Variants in PLCL2 observed in about 807,000 individuals in gnomAD.
The protein encoded by PLCL2 is phospholipase C like 2.
PLCL2 carries 4 observed loss-of-function variants against 79.6 expected under a neutral mutation model. The ratio of observed to expected loss-of-function variants is 0.05; its 90% confidence interval spans 0.02 to 0.11. The LOEUF (loss-of-function observed/expected upper bound fraction) is 0.11. Among genes scored for constraint, PLCL2 ranks in the 10% least tolerant of loss-of-function variants. PLCL2 has a pLI of 1.00. For missense variants in PLCL2, 895 were observed against 1,291.0 expected (o/e 0.69, Z 4.70); for synonymous variants, 484 against 457.7 (o/e 1.06, Z -0.73).
intron 5 of PLCL2, among the ~76,000 whole-genome samples, chr3:17,075,089 A>G (rs1307052728): frequency 6.6e-6 from 1 of 152,170 alleles, no homozygotes; most frequent in Non-Finnish European, 1.5e-5. Context: ...TTGGCTTTTG[A>G]CTTGAACTTG....
intron 1 of PLCL2, among the ~76,000 whole-genome samples, chr3:16,937,366 G>A (rs1416473286): frequency 1.3e-5 from 2 of 152,178 alleles, no homozygotes; most frequent in East Asian, 3.8e-4. Flanking sequence ...GAGACCTGAG[G>A]ACAGGTTGAG....
chr3:16,990,346 G>C (rs541342365), intron 1 of PLCL2, among the ~76,000 whole-genome samples: 1 of 152,148 alleles, frequency 6.6e-6, no homozygotes, highest in Non-Finnish European at 1.5e-5. Context: ...TTTTCACTTA[G>C]GTACTCTATA....
In PLCL2 at chr3:17,016,487, T is replaced by A. The variant is rs976410349; in HGVS notation, c.3018+1576T>A. 2.6e-5 allele frequency among the ~76,000 whole-genome samples: 4 copies of A among 152,104 alleles called. No homozygotes were observed. In the East Asian group the frequency reaches 7.7e-4, roughly 29 times the overall value. ...AGAGGAGGGAGGCCAGGGTCAGGTG[T>A]CTGATGAGCCTCAGGTGCTGAGTGC... On this transcript the variant is annotated intron_variant, in intron 3 of 5. Transcript: ENST00000615277.
At chr3:16,956,814 C>A (rs1175816604) in intron 1 of PLCL2, among the ~76,000 whole-genome samples, 1 of 152,068 alleles carries the variant, frequency 6.6e-6, no homozygotes, top group Non-Finnish European at 1.5e-5. Flanking sequence ...AGTTTATTTG[C>A]GTAGAGGTGT....
intron 1 of PLCL2, among the ~76,000 whole-genome samples, chr3:16,973,087 A>G (rs947427600): frequency 1.3e-5 from 2 of 152,132 alleles, no homozygotes; most frequent in Admixed American, 6.6e-5. Context: ...TCAATGGTCT[A>G]TGTATTTAAG....
chr3:16,978,749 A>G (rs1028240386), intron 1 of PLCL2, among the ~76,000 whole-genome samples: 22 of 152,220 alleles, frequency 1.4e-4, no homozygotes, highest in African/African-American at 4.3e-4. Flanking sequence ...TGTCAGTGCA[A>G]CAAGCCCAGA....
At chr3:17,019,295 T>C (rs571260066) in intron 3 of PLCL2, among the ~76,000 whole-genome samples, 2 of 152,344 alleles carry the variant, frequency 1.3e-5, no homozygotes, top group South Asian at 4.1e-4. Flanking sequence ...TTGCACATTT[T>C]TGAGCAAAGG....
chr3:16,964,279 T>C (rs938762093), intron 1 of PLCL2, among the ~76,000 whole-genome samples: 8 of 151,800 alleles, frequency 5.3e-5, no homozygotes, highest in Non-Finnish European at 7.4e-5. Flanking sequence ...TGTTTGGTTT[T>C]CTGTCCTTGC....
intron 4 of PLCL2, among the ~76,000 whole-genome samples, chr3:17,056,443 T>A (rs2064893320): frequency 6.6e-6 from 1 of 152,072 alleles, no homozygotes; most frequent in Non-Finnish European, 1.5e-5. Flanking sequence ...TAGTATATTA[T>A]AAATATATAA....
intron 3 of PLCL2, among the ~76,000 whole-genome samples, chr3:17,032,576 A>G (rs768548052): frequency 7.2e-5 from 11 of 151,744 alleles, no homozygotes; most frequent in Non-Finnish European, 1.3e-4. Context: ...CTCTCCTCCC[A>G]GCCTAACAAA....
At chr3:16,890,866 C>G (rs1696330292) in intron 1 of PLCL2, among the ~76,000 whole-genome samples, 1 of 152,186 alleles carries the variant, frequency 6.6e-6, no homozygotes, top group Non-Finnish European at 1.5e-5. Context: ...AGAGTAATTC[C>G]ATAGCTTTAG....
At chr3:16,939,514 T>C (rs1281100776) in intron 1 of PLCL2, among the ~76,000 whole-genome samples, 1 of 152,232 alleles carries the variant, frequency 6.6e-6, no homozygotes, top group African/African-American at 2.4e-5. Flanking sequence ...GTGAATGTTG[T>C]GCTGGACAGA....
rs1008086467 is a variant in PLCL2 at position 16,964,679 on chromosome 3, CTGT to C, written c.328-44990_328-44988del. Reference sequence around the variant, plus strand: ...TATTTCTCCACATCCTCTCCAGCACCTGTTGTTTCCTGACTTTTTAATGATTGC... The same window carrying C: ...TATTTCTCCACATCCTCTCCAGCACCTGTTTCCTGACTTTTTAATGATTGC... On this transcript the variant is annotated intron_variant, in intron 1 of 5. Transcript: ENST00000615277. Among the ~76,000 whole-genome samples, 7 of 151,994 alleles carry C rather than the reference CTGT, an allele frequency of 4.6e-5. 1 individual carries two copies.
At chr3:16,976,330 A>G (rs1053515140) in intron 1 of PLCL2, among the ~76,000 whole-genome samples, 1 of 152,244 alleles carries the variant, frequency 6.6e-6, no homozygotes, top group African/African-American at 2.4e-5. Flanking sequence ...AAAGTTGGCA[A>G]CAGCCTAGAG....
rs562419383 is a variant in PLCL2, at chr3:16,889,612, T to C, written c.327+4246T>C. ...GTCATGTGGTGTAGGAGAAACACTTTTACTGTCTTTATACTACTATGTTCA... is the reference window on the plus strand; with the variant it reads ...GTCATGTGGTGTAGGAGAAACACTTCTACTGTCTTTATACTACTATGTTCA... On this transcript the variant is annotated intron_variant, in intron 1 of 5. Coordinates refer to ENST00000615277, the MANE Select transcript of PLCL2 (RefSeq NM_001144382.2). Among the ~76,000 whole-genome samples the C allele has an allele frequency of 7.2e-5, 11 of 152,330 alleles. No homozygotes were observed. In the South Asian group the frequency reaches 2.3e-3, roughly 32 times the overall value.
chr3:17,047,780 C>T (rs967147578), intron 4 of PLCL2, among the ~76,000 whole-genome samples: 1 of 152,214 alleles, frequency 6.6e-6, no homozygotes, highest in African/African-American at 2.4e-5. Flanking sequence ...AACCTGCACA[C>T]ACAGCAGCCT....
intron 1 of PLCL2, among the ~76,000 whole-genome samples, chr3:16,947,239 C>A (rs112236194): frequency 6.6e-6 from 1 of 152,112 alleles, no homozygotes; most frequent in Non-Finnish European, 1.5e-5. Context: ...CGCGAGCCAC[C>A]GCATCCAGCT....
intron 4 of PLCL2, among the ~76,000 whole-genome samples, chr3:17,059,513 C>G (rs1042444187): frequency 6.7e-6 from 1 of 149,620 alleles, no homozygotes; most frequent in Non-Finnish European, 1.5e-5. Flanking sequence ...TATATACACA[C>G]ATATACATAT....
chr3:16,934,843 T>C (rs1184923113), intron 1 of PLCL2, among the ~76,000 whole-genome samples: 1 of 152,226 alleles, frequency 6.6e-6, no homozygotes, highest in Non-Finnish European at 1.5e-5. Context: ...CCCTCAGCCC[T>C]CTGGTTGTTC....
Sources: gnomAD v4.1 joint callset for allele counts (sites outside exome capture counted in the v4.1 genomes callset) on GRCh38, gnomAD v4.1.1 for gene constraint, MANE v1.5 for transcripts, NCBI Gene and HGNC (gene_info 2026-07-23, HGNC 2026-07-21) for gene names.